The following ERBIN variants were observed in gnomAD, a reference collection of about 807,000 sequenced individuals.
The protein encoded by ERBIN is densin-180-like protein.
In ERBIN, 60 loss-of-function variants were observed where a neutral mutation model predicts 158.4. That is an observed-to-expected ratio of 0.38 (90% CI 0.31 to 0.47). The LOEUF (loss-of-function observed/expected upper bound fraction) is 0.47, where lower values mean the gene tolerates loss of function less well. Ranked by LOEUF, ERBIN falls within the 20% of genes least tolerant of loss-of-function variation. The probability of loss-of-function intolerance (pLI) is 0.99; values close to 1 mark genes in which losing one functional copy is unlikely to be tolerated. For missense variants in ERBIN, 1,610 were observed against 1,648.0 expected, an observed-to-expected ratio of 0.98 and a Z score of 0.40; for synonymous variants, 594 against 557.2, an observed-to-expected ratio of 1.07 and a Z score of -0.93.
chr5:66,017,952 A>G (rs1754967602), intron 7 of ERBIN, among the ~76,000 whole-genome samples: 1 of 151,906 alleles, frequency 6.6e-6, no homozygotes, highest in Admixed American at 6.6e-5. Context: ...TCTTTTCCCC[A>G]TTTTATCTTC....
intron 7 of ERBIN, among the ~76,000 whole-genome samples, chr5:66,020,714 G>C (rs962637498): frequency 6.6e-6 from 1 of 151,970 alleles, no homozygotes; most frequent in African/African-American, 2.4e-5. Context: ...TGTAATTTCA[G>C]AGAAGTGTTG....
chr5:65,977,834 G>A (rs965442918), intron 1 of ERBIN, among the ~76,000 whole-genome samples: 1 of 152,126 alleles, frequency 6.6e-6, no homozygotes, highest in African/African-American at 2.4e-5. Context: ...GTAGCGAGCC[G>A]AGATCACGCC....
At chr5:66,069,544 C>A (rs533995426) in intron 21 of ERBIN, among the ~76,000 whole-genome samples, 7 of 152,056 alleles carry the variant, frequency 4.6e-5, no homozygotes, top group Admixed American at 3.9e-4. Context: ...TTCTTACTCA[C>A]ATTTTACTAA....
chr5:66,053,903 G>C lies in ERBIN; in HGVS notation c.2585G>C (p.Gly862Ala). Reference sequence around the variant, plus strand: ...GAAGATCTCTCCCCTCAGAAAAGTGGTCCAGTTGGATCTGTTGTGAAATCT... The same window carrying C: ...GAAGATCTCTCCCCTCAGAAAAGTGCTCCAGTTGGATCTGTTGTGAAATCT... ...STEDLSPQKSGPVGSVVKSHS... is the reference protein window; with the variant it reads ...STEDLSPQKSAPVGSVVKSHS... Residue 862 changes from glycine to alanine, a missense_variant, in exon 21 of 26, where the codon GGT becomes GCT. Transcript: ENST00000284037. The C allele has an allele frequency of 6.2e-7, 1 of 1,614,114 alleles. No individual in the cohort carries two copies. Among genetic ancestry groups the C allele is most frequent in the Non-Finnish European group, 8.5e-7 (1 of 1,179,996 alleles).
At chr5:66,023,673 ATTT>A (rs145788640) in intron 9 of ERBIN, among the ~76,000 whole-genome samples, 3 of 131,588 alleles carry the variant, frequency 2.3e-5, no homozygotes, top group Admixed American at 1.5e-4. Flanking sequence ...AACTTTCTGA[ATTT>A]TTTTTTTTTT....
At chr5:66,060,790 C>T (rs867918573) in intron 21 of ERBIN, among the ~76,000 whole-genome samples, 6 of 152,060 alleles carry the variant, frequency 3.9e-5, no homozygotes, top group South Asian at 2.1e-4. Context: ...ACCTTCATTT[C>T]GTTAGGTACC....
In ERBIN at chr5:66,079,444, A is replaced by G. The variant is rs766519161; in HGVS notation, c.*914A>G. ...TTAGTGCTCCATTTAAATCTAATTTATAATTTTTATTTTAAGCAGCAAATG... is the reference window on the plus strand; with the variant it reads ...TTAGTGCTCCATTTAAATCTAATTTGTAATTTTTATTTTAAGCAGCAAATG... On this transcript the variant is annotated 3_prime_UTR_variant, in exon 26 of 26. Transcript: ENST00000284037. 1.3e-5 allele frequency: 2 copies of G among 151,122 alleles called. No homozygotes were observed. The highest frequency in any genetic ancestry group is 4.9e-5 in the African/African-American group (2 of 40,886). 9.4% of individuals were successfully genotyped at this position (151,122 alleles called of 1,614,324 possible).
At chr5:66,057,299 A>T (rs1475252697) in intron 21 of ERBIN, among the ~76,000 whole-genome samples, 2 of 152,204 alleles carry the variant, frequency 1.3e-5, no homozygotes, top group Non-Finnish European at 2.9e-5. Context: ...ATGGGTTAAT[A>T]CATGCAAAGC....
rs559456309 is a variant in ERBIN, at chr5:66,009,487, G to A, written c.308-2562G>A. 1.2e-4 allele frequency among the ~76,000 whole-genome samples: 19 copies of A among 152,178 alleles called. No individual in the cohort carries two copies. In the South Asian group the frequency reaches 3.5e-3, roughly 28 times the overall value. On this transcript the variant is annotated intron_variant, in intron 4 of 25. Coordinates refer to ENST00000284037, the MANE Select transcript of ERBIN (RefSeq NM_001253697.2). ...ATTGAGTCAATCTAAATAAAACCTA[G>A]CAATAATACAAAGAGTACACAGGTA...
chr5:65,976,145 C>T (rs1261788080), intron 1 of ERBIN, among the ~76,000 whole-genome samples: 1 of 152,102 alleles, frequency 6.6e-6, no homozygotes, highest in Non-Finnish European at 1.5e-5. Flanking sequence ...GCTACAGGAT[C>T]GTATCTTATG....
intron 15 of ERBIN, among the ~76,000 whole-genome samples, chr5:66,038,921 G>A (rs1017377080): frequency 6.6e-6 from 1 of 151,886 alleles, no homozygotes; most frequent in Non-Finnish European, 1.5e-5. Flanking sequence ...CCGACAAGGG[G>A]GAGTATACCT....
At chr5:66,049,435 T>G (rs923644535) in intron 19 of ERBIN, among the ~76,000 whole-genome samples, 3 of 152,136 alleles carry the variant, frequency 2.0e-5, no homozygotes, top group South Asian at 4.1e-4. Context: ...GTTCATTTTG[T>G]AGTAGTGATA....
intron 1 of ERBIN, among the ~76,000 whole-genome samples, chr5:65,967,948 G>A (rs1251911101): frequency 6.6e-6 from 1 of 152,176 alleles, no homozygotes; most frequent in African/African-American, 2.4e-5. Context: ...CAAGTGGCTG[G>A]TTTCAGAGGG....
At chr5:66,070,759 G>A (rs1195938833) in intron 21 of ERBIN, among the ~76,000 whole-genome samples, 1 of 152,104 alleles carries the variant, frequency 6.6e-6, no homozygotes, top group Non-Finnish European at 1.5e-5. Flanking sequence ...TCTAAGCCAT[G>A]GTTTGAACTA....
intron 1 of ERBIN, among the ~76,000 whole-genome samples, chr5:65,940,744 C>T (rs1438704319): frequency 2.1e-5 from 3 of 142,510 alleles, no homozygotes; most frequent in South Asian, 2.3e-4. Flanking sequence ...AGGTGAGGGG[C>T]GCCTCTGCCC....
At chr5:66,010,732 A>G (rs1047482686) in intron 4 of ERBIN, among the ~76,000 whole-genome samples, 2 of 152,220 alleles carry the variant, frequency 1.3e-5, no homozygotes, top group African/African-American at 4.8e-5. Flanking sequence ...TATCATGTTA[A>G]TGGAGCAATG....
chr5:65,984,830 T>C (rs1020700588), intron 1 of ERBIN: 1 of 151,058 alleles, frequency 6.6e-6, no homozygotes, highest in African/African-American at 2.4e-5. Flanking sequence ...TATTGCTCAC[T>C]GAAAAAGAAA....
At chr5:65,930,987 T>C (rs1481430172) in intron 1 of ERBIN, among the ~76,000 whole-genome samples, 2 of 152,212 alleles carry the variant, frequency 1.3e-5, no homozygotes, top group South Asian at 4.1e-4. Context: ...CTTTAAGTGA[T>C]AGTGTGGAAG....
At chr5:66,028,195 A>G in intron 13 of ERBIN, 79 bp from the exon 14 acceptor site, 1 of 1,037,048 alleles carries the variant, frequency 9.6e-7, no homozygotes. Context: ...TTTTTCAGAA[A>G]ACCTTTAGGT....
Sources: allele counts gnomAD v4.1 joint callset (sites outside exome capture counted in the v4.1 genomes callset), GRCh38; gene constraint gnomAD v4.1.1; transcripts MANE v1.5; gene names NCBI Gene and HGNC (gene_info 2026-07-23, HGNC 2026-07-21).